Variants in ASCC3 observed in about 807,000 individuals in gnomAD.
ASCC3 encodes the protein ASC-1 complex subunit P200.
A neutral mutation model predicts 256.3 loss-of-function variants in ASCC3; 158 were observed. The ratio of observed to expected loss-of-function variants is 0.62; its 90% CI spans 0.54 to 0.70. ASCC3 has a LOEUF of 0.70. ASCC3 is among the 30% of genes least tolerant of loss of function. The pLI, the probability that ASCC3 is intolerant of heterozygous loss-of-function variation, is 0.00. For synonymous variants in ASCC3, 948 were observed against 883.4 expected (o/e 1.07, Z -1.30); for missense variants, 2,259 against 2,626.0 (o/e 0.86, Z 3.05).
chr6:100,627,343 T>C (rs1774291630), intron 29 of ASCC3, among the ~76,000 whole-genome samples: 1 of 152,174 alleles, frequency 6.6e-6, no homozygotes, highest in Admixed American at 6.6e-5. Context: ...AAGAAAACTC[T>C]GATAACTTTT....
intron 4 of ASCC3, among the ~76,000 whole-genome samples, chr6:100,839,070 C>T (rs1772016628): frequency 2.6e-5 from 4 of 152,118 alleles, no homozygotes; most frequent in African/African-American, 9.6e-5. Context: ...ATTTCTTCCC[C>T]ATATCAATAT....
intron 10 of ASCC3, among the ~76,000 whole-genome samples, chr6:100,765,939 T>TA (rs1260501168): frequency 2.0e-5 from 3 of 152,190 alleles, no homozygotes; most frequent in African/African-American, 7.2e-5. Context: ...TTTATTTTTT[T>TA]AAAAACACAA....
At chr6:100,775,602 A>G (rs1487157988) in intron 8 of ASCC3, among the ~76,000 whole-genome samples, 1 of 152,142 alleles carries the variant, frequency 6.6e-6, no homozygotes, top group Non-Finnish European at 1.5e-5. Context: ...AAAAATCTTT[A>G]TAATATTATT....
At chr6:100,865,741 G>C (rs1338495497) in intron 2 of ASCC3, among the ~76,000 whole-genome samples, 1 of 152,022 alleles carries the variant, frequency 6.6e-6, no homozygotes, top group African/African-American at 2.4e-5. Flanking sequence ...CAATTAAAGT[G>C]AATGATGTTT....
intron 10 of ASCC3, among the ~76,000 whole-genome samples, chr6:100,742,516 G>A (rs1468202231): frequency 6.6e-6 from 1 of 151,608 alleles, no homozygotes; most frequent in African/African-American, 2.4e-5. Flanking sequence ...CTAACTGCAG[G>A]AGCTCCATCC....
intron 10 of ASCC3, among the ~76,000 whole-genome samples, chr6:100,747,178 T>C (rs948032185): frequency 4.0e-5 from 6 of 149,414 alleles, no homozygotes; most frequent in African/African-American, 7.3e-5. Context: ...TCATTAGTCA[T>C]TGGGGAAATA....
intron 25 of ASCC3, among the ~76,000 whole-genome samples, chr6:100,632,801 T>C (rs576731973): frequency 3.5e-4 from 53 of 152,094 alleles, no homozygotes; most frequent in Non-Finnish European, 6.8e-4. Flanking sequence ...CCATACACCA[T>C]ATACAAAAAT....
At position 100,623,501 on chromosome 6, in the gene ASCC3, G is replaced by A. The variant is rs146991893; in HGVS notation, c.4785+1691C>T. ...GTCCTACTAACTCTAAATGAGTCAT[G>A]AGAAGTAGAAGGGGAGAAATATGCA... On this transcript the variant is annotated intron_variant, in intron 30 of 41. Coordinates refer to ENST00000369162, the MANE Select transcript of ASCC3 (RefSeq NM_006828.4). Among the ~76,000 whole-genome samples, 40 of 152,260 alleles carry A rather than the reference G, an allele frequency of 2.6e-4. No individual in the cohort carries two copies. The East Asian group carries it at 7.1e-3, about 27-fold the overall frequency.
rs17060803 is a variant in ASCC3, at chr6:100,643,426, A to T, written c.3732+605T>A. Among the ~76,000 whole-genome samples the T allele has an allele frequency of 4.3e-3, 654 of 152,270 alleles. 20 individuals are homozygous for T. The highest frequency in any genetic ancestry group is 0.028 in the Admixed American group (435 of 15,282). On this transcript the variant is annotated intron_variant, in intron 23 of 41. Coordinates refer to ENST00000369162, the MANE Select transcript of ASCC3 (RefSeq NM_006828.4). ...TTATTATTGATCCTACCTATTTTAC[A>T]TATTCTACACCTCTGGAACCCAGGT... is the stretch of plus-strand genomic sequence containing the variant.
At chr6:100,687,024 T>TCACACACACACA (rs1241682611) in intron 13 of ASCC3, among the ~76,000 whole-genome samples, 4 of 79,218 alleles carry the variant, frequency 5.0e-5, no homozygotes, top group Admixed American at 1.4e-4. Context: ...TCTCTCTCTC[T>TCACACACACACA]CTCTCTCTCT....
At chr6:100,719,680 C>A (rs1009718280) in intron 11 of ASCC3, among the ~76,000 whole-genome samples, 1 of 151,744 alleles carries the variant, frequency 6.6e-6, no homozygotes, top group African/African-American at 2.4e-5. Context: ...TAAGCCAAAC[C>A]TTCAAGTCTA....
chr6:100,563,417 T>C (rs982109427), intron 36 of ASCC3, among the ~76,000 whole-genome samples: 2 of 152,222 alleles, frequency 1.3e-5, no homozygotes, highest in African/African-American at 4.8e-5. Context: ...CAAAAAGTTA[T>C]ACGATTCACC....
chr6:100,875,413 A>G lies in ASCC3; in HGVS notation c.-42+5648T>C, dbSNP rs142065739. Among the ~76,000 whole-genome samples, 15 of 152,352 alleles carry G rather than the reference A, an allele frequency of 9.8e-5. No individual in the cohort carries two copies. In the East Asian group the frequency reaches 2.7e-3, roughly 27 times the overall value. ...TGGGGCATATGGTTTTGGATTTCCT[A>G]TCAGAGGTCTGGGCTGGAAATCCAG... On this transcript the variant is annotated intron_variant, in intron 1 of 41. Transcript: ENST00000369162.
Position 100,805,841 on chromosome 6 carries a change from C to T in ASCC3, c.841G>A (p.Glu281Lys). ...LLGPEGLELI[E>K]KLLQNRITIV... is the part of the protein sequence containing the mutation. ...GTAATTCTGTTCTGGAGGAGTTTCT[C>T]AATAAGTTCAAGTCCTTCAGGTCCC... Residue 281 changes from glutamate to lysine, a missense_variant, in exon 5 of 42, where the codon GAG becomes AAG. Transcript: ENST00000369162. 1 of 1,611,376 alleles carries T rather than the reference C, an allele frequency of 6.2e-7. No homozygotes were observed. The highest frequency in any genetic ancestry group is 1.7e-4 in the Middle Eastern group (1 of 6,036).
At chr6:100,849,660 TA>T (rs564774036) in intron 3 of ASCC3, among the ~76,000 whole-genome samples, 1 of 151,628 alleles carries the variant, frequency 6.6e-6, no homozygotes. Flanking sequence ...TTTTCTCAAA[TA>T]AAAAAAAGAA....
At chr6:100,688,568 C>G (rs1228691171) in intron 13 of ASCC3, among the ~76,000 whole-genome samples, 3 of 152,160 alleles carry the variant, frequency 2.0e-5, no homozygotes, top group Non-Finnish European at 4.4e-5. Flanking sequence ...CTTCCAGATA[C>G]AAGTGCTGTG....
chr6:100,595,352 T>C (rs1014969465), intron 34 of ASCC3, among the ~76,000 whole-genome samples: 3 of 152,192 alleles, frequency 2.0e-5, no homozygotes, highest in South Asian at 2.1e-4. Context: ...AAAATTTATG[T>C]TCACACAAAA....
At chr6:100,675,320 AAAGT>A (rs926101723) in intron 14 of ASCC3, among the ~76,000 whole-genome samples, 2 of 152,196 alleles carry the variant, frequency 1.3e-5, no homozygotes, top group African/African-American at 2.4e-5. Context: ...GCAAAAAACA[AAAGT>A]AAGAGAAAGA....
intron 36 of ASCC3, among the ~76,000 whole-genome samples, chr6:100,568,820 C>G (rs1306027257): frequency 6.6e-6 from 1 of 150,588 alleles, no homozygotes; most frequent in Non-Finnish European, 1.5e-5. Context: ...CTCTGTCGCC[C>G]AGGCTGGACT....
Sources: allele counts gnomAD v4.1 joint callset (sites outside exome capture counted in the v4.1 genomes callset), GRCh38; gene constraint gnomAD v4.1.1; transcripts MANE v1.5; gene names NCBI Gene and HGNC (gene_info 2026-07-23, HGNC 2026-07-21).